The following LY96 variants were observed in gnomAD, a reference collection of about 807,000 sequenced individuals.
LY96 encodes lymphocyte antigen 96.
LY96 carries 18 observed loss-of-function variants against 18.9 expected under a neutral mutation model. The observed-to-expected ratio is 0.95, with a 90% confidence interval of 0.66 to 1.41. LY96 has a LOEUF of 1.41. Ranked by LOEUF, LY96 falls within the 40% of genes most tolerant of loss-of-function variation. LY96 has a pLI of 0.00. For missense variants in LY96, 175 were observed against 182.4 expected, an observed-to-expected ratio of 0.96 and a Z score of 0.23; for synonymous variants, 66 against 62.6, an observed-to-expected ratio of 1.06 and a Z score of -0.26.
At chr8:74,092,189 T>C in the LY96 span, among the ~76,000 whole-genome samples, 1 of 152,190 alleles carries the variant, frequency 6.6e-6, no homozygotes, top group African/African-American at 2.4e-5. Flanking sequence ...AAAGAACTTT[T>C]GGGCATTATT....
chr8:74,071,318 G>GT, the LY96 span, among the ~76,000 whole-genome samples: 15 of 150,760 alleles, frequency 9.9e-5, no homozygotes, highest in South Asian at 4.2e-4. Context: ...ACAGAAAAAT[G>GT]TTTTTTTTGT....
chr8:74,020,786 C>T (rs1816742322), intron 3 of LY96, among the ~76,000 whole-genome samples: 1 of 152,192 alleles, frequency 6.6e-6, no homozygotes, highest in African/African-American at 2.4e-5. Flanking sequence ...ATCATTTGAT[C>T]TTTGACAAAC....
intron 3 of LY96, 72 bp downstream of exon 3, chr8:74,010,201 C>T: frequency 7.1e-7 from 1 of 1,406,970 alleles, no homozygotes. Context: ...AAATTAAATA[C>T]ATTGAAAATG....
intron 3 of LY96, among the ~76,000 whole-genome samples, chr8:74,018,893 G>T (rs999897181): frequency 6.6e-6 from 1 of 152,046 alleles, no homozygotes. Flanking sequence ...AAGACATAAC[G>T]TACCAGAATC....
chr8:74,021,224 GA>G (rs1464219037), intron 3 of LY96, among the ~76,000 whole-genome samples: 1 of 152,078 alleles, frequency 6.6e-6, no homozygotes, highest in African/African-American at 2.4e-5. Flanking sequence ...AAATTTACAA[GA>G]AAAAATCAAA....
chr8:74,029,133 A>G, downstream of LY96: 1 of 790,260 alleles, frequency 1.3e-6, no homozygotes, highest in South Asian at 1.5e-5. Flanking sequence ...TTAATCAGAT[A>G]TGGTAGGATA....
At chr8:74,030,995 C>A (rs1816960995), downstream of LY96, among the ~76,000 whole-genome samples, 2 of 152,198 alleles carry the variant, frequency 1.3e-5, no homozygotes, top group Admixed American at 1.3e-4. Flanking sequence ...TCAGAGAGGA[C>A]TTAGCTGTTG....
chr8:74,080,334 T>A, the LY96 span, among the ~76,000 whole-genome samples: 3 of 152,200 alleles, frequency 2.0e-5, no homozygotes, highest in Non-Finnish European at 2.9e-5. Flanking sequence ...TTCTTTCTGC[T>A]GCTCATGGCC....
At chr8:74,023,219 C>T (rs1446563702) in intron 3 of LY96, among the ~76,000 whole-genome samples, 1 of 152,136 alleles carries the variant, frequency 6.6e-6, no homozygotes, top group Non-Finnish European at 1.5e-5. Flanking sequence ...ACCCTCTGCT[C>T]CTGGTGAAAT....
the LY96 span, among the ~76,000 whole-genome samples, chr8:74,061,966 A>C: frequency 6.6e-6 from 1 of 152,236 alleles, no homozygotes; most frequent in African/African-American, 2.4e-5. Flanking sequence ...ACACAAAAAA[A>C]GCGCTCCAAT....
the LY96 span, among the ~76,000 whole-genome samples, chr8:74,071,774 G>A: frequency 6.6e-6 from 1 of 152,130 alleles, no homozygotes; most frequent in African/African-American, 2.4e-5. Flanking sequence ...TAAACAATAT[G>A]TAGTTATCTG....
At chr8:74,096,671 C>G in the LY96 span, among the ~76,000 whole-genome samples, 6 of 152,176 alleles carry the variant, frequency 3.9e-5, no homozygotes, top group Non-Finnish European at 8.8e-5. Flanking sequence ...CCATTTCCCA[C>G]TAGAATGTAA....
the LY96 span, among the ~76,000 whole-genome samples, chr8:74,059,285 A>C: frequency 6.6e-6 from 1 of 152,256 alleles, no homozygotes; most frequent in African/African-American, 2.4e-5. Context: ...AATGCTTGAT[A>C]GAAAGATGTG....
chr8:74,068,079 A>ATATATATATATAT, the LY96 span, among the ~76,000 whole-genome samples: 3 of 97,204 alleles, frequency 3.1e-5, no homozygotes, highest in African/African-American at 1.9e-4. Context: ...AAAAAAAAAA[A>ATATATATATATAT]AAAAAAAAAA....
the LY96 span, among the ~76,000 whole-genome samples, chr8:74,081,105 C>CTT: frequency 6.0e-5 from 8 of 133,622 alleles, no homozygotes; most frequent in Non-Finnish European, 9.4e-5. Context: ...TTCTTTCTTT[C>CTT]TTTCTTTCTT....
the LY96 span, among the ~76,000 whole-genome samples, chr8:74,068,569 C>G: frequency 2.0e-5 from 3 of 152,138 alleles, no homozygotes; most frequent in Admixed American, 1.3e-4. Flanking sequence ...ACTTTACATT[C>G]TCACCAGCAG....
At chr8:74,043,264 G>A in the LY96 span, among the ~76,000 whole-genome samples, 1 of 152,214 alleles carries the variant, frequency 6.6e-6, no homozygotes, top group African/African-American at 2.4e-5. Flanking sequence ...GGGCCAGTGA[G>A]ATATGCTAGC....
the LY96 span, among the ~76,000 whole-genome samples, chr8:74,077,043 G>A: frequency 6.6e-6 from 1 of 152,092 alleles, no homozygotes; most frequent in Non-Finnish European, 1.5e-5. Flanking sequence ...CTTTACTTAC[G>A]TTTAGTGGTT....
chr8:74,026,292 G>A (rs1816870212), intron 3 of LY96, among the ~76,000 whole-genome samples: 1 of 152,180 alleles, frequency 6.6e-6, no homozygotes, highest in African/African-American at 2.4e-5. Context: ...GTGCTCCACA[G>A]CTTGTGTGGG....
Sources: allele counts gnomAD v4.1 joint callset (sites outside exome capture counted in the v4.1 genomes callset), GRCh38; gene constraint gnomAD v4.1.1; transcripts MANE v1.5; gene names NCBI Gene and HGNC (gene_info 2026-07-23, HGNC 2026-07-21).